NEB: variants seen among roughly 807,000 people sequenced by gnomAD.
NEB encodes nemaline myopathy type 2.
In NEB, 512 loss-of-function variants were observed where a neutral mutation model predicts 952.2. The observed-to-expected ratio is 0.54, with a 90% CI of 0.50 to 0.58. The LOEUF (loss-of-function observed/expected upper bound fraction) is 0.58, where lower values mean the gene tolerates loss of function less well. Ranked by LOEUF, NEB falls within the 20% of genes least tolerant of loss-of-function variation. The pLI, the probability that NEB is intolerant of heterozygous loss-of-function variation, is 0.00. For synonymous variants in NEB, 2,900 were observed against 3,149.8 expected (o/e 0.92, Z 2.66); for missense variants, 8,428 against 9,231.1 (o/e 0.91, Z 3.56).
intron 174 of NEB, 131 bp from the exon 175 acceptor site, chr2:151,493,998 T>G (rs1255302297): frequency 1.1e-5 from 10 of 871,684 alleles, no homozygotes; most frequent in Non-Finnish European, 1.4e-5. Context: ...GAAGAAAGCT[T>G]AAAAATAGTT....
chr2:151,719,491 T>C (rs1377202339), intron 9 of NEB, among the ~76,000 whole-genome samples: 2 of 152,212 alleles, frequency 1.3e-5, no homozygotes, highest in African/African-American at 4.8e-5. Flanking sequence ...CTAGTGCCTA[T>C]AACAAAAGCT....
chr2:151,675,745 A>AT (rs551433596), intron 34 of NEB, among the ~76,000 whole-genome samples: 1 of 151,560 alleles, frequency 6.6e-6, no homozygotes, highest in Non-Finnish European at 1.5e-5. Context: ...GTTAGTTTCT[A>AT]TTTTTTTATC....
rs370074798 is a variant in NEB at position 151,643,920 on chromosome 2, T to C, written c.7854A>G (p.Leu2618=). ...GVVLAKKCQT[L]VSDVDYKNYL... ...AGTTCTTGTAGTCCACGTCGCTGAC[T>C]AAGGTCTGGCACTTCTTGGCCAACA... Residue 2618 remains leucine, a synonymous_variant, in exon 57 of 182, where the codon TTA becomes TTG. Coordinates refer to ENST00000397345, the MANE Select transcript of NEB (RefSeq NM_001164508.2). 1.1e-5 allele frequency: 18 copies of C among 1,613,938 alleles called. No individual in the cohort carries two copies. The highest frequency in any genetic ancestry group is 1.5e-5 in the Non-Finnish European group (18 of 1,179,828).
At chr2:151,519,166 T>G in intron 154 of NEB, 97 bp from the exon 155 acceptor site, 1 of 806,560 alleles carries the variant, frequency 1.2e-6, no homozygotes, top group East Asian at 2.6e-5. Context: ...AAACAAATGC[T>G]GGAGATGGTG....
intron 9 of NEB, among the ~76,000 whole-genome samples, chr2:151,720,452 A>T (rs1429345986): frequency 6.6e-6 from 1 of 152,234 alleles, no homozygotes; most frequent in Non-Finnish European, 1.5e-5. Context: ...TTGGTCTGCA[A>T]TTAAAATAAA....
rs182722471 is a variant in NEB, at chr2:151,576,751, T to A, written c.16705-397A>T. ...AGTTTCACCATGCTAGCCAGGCTGG[T>A]CTCAAACCCCTGACCTCAGGTGATC... is the stretch of plus-strand genomic sequence containing the variant. On this transcript the variant is annotated intron_variant, in intron 105 of 181. Transcript: ENST00000397345. Among the ~76,000 whole-genome samples the A allele has an allele frequency of 1.7e-3, 264 of 151,666 alleles. 2 individuals carry two copies. In the South Asian group the frequency reaches 0.03, roughly 17 times the overall value.
At position 151,653,289 on chromosome 2, in the gene NEB, C is replaced by T. The variant is rs77728938; in HGVS notation, c.6915+703G>A. Among the ~76,000 whole-genome samples, 175 of 152,244 alleles carry T rather than the reference C, an allele frequency of 1.1e-3. 1 individual carries two copies. Among genetic ancestry groups the T allele is most frequent in the East Asian group, 3.9e-3 (20 of 5,184 alleles). ...AACAAAATGATATGCTAGCAATATGCAGAATATCTAAGTAAAATACTTGTA... is the reference window on the plus strand; with the variant it reads ...AACAAAATGATATGCTAGCAATATGTAGAATATCTAAGTAAAATACTTGTA... On this transcript the variant is annotated intron_variant, in intron 52 of 181. Coordinates refer to ENST00000397345, the MANE Select transcript of NEB (RefSeq NM_001164508.2).
At chr2:151,670,093 C>T (rs1274576520) in intron 38 of NEB, among the ~76,000 whole-genome samples, 1 of 152,068 alleles carries the variant, frequency 6.6e-6, no homozygotes, top group Non-Finnish European at 1.5e-5. Context: ...GTACAGTTTG[C>T]CTAGCTAACT....
At chr2:151,675,263 C>A (rs2099350664) in intron 35 of NEB, 24 bp downstream of exon 35, 1 of 1,477,770 alleles carries the variant, frequency 6.8e-7, no homozygotes. Context: ...CCGAATTTCA[C>A]ATCCCAGCAA....
chr2:151,512,620 T>G, intron 161 of NEB, 113 bp downstream of exon 161: 1 of 859,364 alleles, frequency 1.2e-6, no homozygotes, highest in Non-Finnish European at 1.9e-6. Context: ...GGTGAATCTC[T>G]TTTTTATTGG....
intron 121 of NEB, among the ~76,000 whole-genome samples, 162 bp downstream of exon 121, chr2:151,561,948 A>T (rs539862981): frequency 6.6e-6 from 1 of 152,268 alleles, no homozygotes; most frequent in Non-Finnish European, 1.5e-5. Flanking sequence ...ATCCAGCCCC[A>T]GAGCAGGACA....
intron 4 of NEB, among the ~76,000 whole-genome samples, chr2:151,728,560 C>T (rs1167479412): frequency 6.6e-6 from 1 of 152,134 alleles, no homozygotes; most frequent in African/African-American, 2.4e-5. Flanking sequence ...ATGATGACAA[C>T]ATAATGGGGT....
intron 76 of NEB, among the ~76,000 whole-genome samples, chr2:151,614,857 C>T (rs1375655540): frequency 6.6e-6 from 1 of 152,152 alleles, no homozygotes; most frequent in East Asian, 1.9e-4. Flanking sequence ...TACCACACTG[C>T]TCAGTTTACA....
chr2:151,501,989 A>T (rs2065018739), intron 167 of NEB, among the ~76,000 whole-genome samples: 1 of 152,208 alleles, frequency 6.6e-6, no homozygotes. Context: ...CAAGTAAATT[A>T]TATTTACTGT....
In NEB at chr2:151,516,555, G is replaced by T; in HGVS notation, c.22809C>A (p.Tyr7603Ter). 2 of 1,604,554 alleles carry T rather than the reference G, an allele frequency of 1.2e-6. No homozygotes were observed. The highest frequency in any genetic ancestry group is 1.7e-6 in the Non-Finnish European group (2 of 1,172,492). The change falls in exon 157 of 182, where the codon TAC becomes TAA. Residue 7603 changes from tyrosine to a stop codon, truncating the protein, a stop_gained. Transcript: ENST00000397345. LOFTEE classifies it high-confidence loss of function. ...CTCGTTCCTTTTCATACTTTTCTTT[G>T]TATTTCACCTGGTGATAGAAAGCCA... The part of the protein sequence containing the change: ...EATELQSIVK[Y>*]KEKYEKERGK...
rs1298093749 is a variant in NEB, at chr2:151,682,721, C to T, written c.2884G>A (p.Val962Met). 4 of 1,613,348 alleles carry T rather than the reference C, an allele frequency of 2.5e-6. No individual in the cohort carries two copies. The highest frequency in any genetic ancestry group is 1.6e-4 in the Middle Eastern group (1 of 6,082). The change falls in exon 29 of 182, where the codon GTG becomes ATG. Residue 962 changes from valine to methionine, a missense_variant. By Grantham distance (21) the Val-to-Met change is conservative. Transcript: ENST00000397345. ...YNSWMKGCGWVPFGSLEMEKA... is the reference protein window; with the variant it reads ...YNSWMKGCGWMPFGSLEMEKA... ...TCCATTTCTAAGGACCCAAAAGGCA[C>T]CCAGCCACAACCTTTCATCCAGCTA...
At chr2:151,657,117 G>A (rs895870811) in intron 48 of NEB, among the ~76,000 whole-genome samples, 1 of 152,124 alleles carries the variant, frequency 6.6e-6, no homozygotes. Flanking sequence ...CTCCTTTTGG[G>A]GTTGCGTGTG....
chr2:151,522,810 C>G (rs1175062854), intron 153 of NEB, among the ~76,000 whole-genome samples: 1 of 152,210 alleles, frequency 6.6e-6, no homozygotes, highest in African/African-American at 2.4e-5. Context: ...GCCGTGCCCT[C>G]TCCTTTGGCC....
intron 45 of NEB, 37 bp from the exon 46 acceptor site, chr2:151,662,378 T>A: frequency 4.1e-6 from 6 of 1,463,404 alleles, no homozygotes; most frequent in Non-Finnish European, 5.6e-6. Context: ...GAGAAGAAAC[T>A]GGAACTTCCC....
Sources: gnomAD v4.1 joint callset for allele counts (sites outside exome capture counted in the v4.1 genomes callset) on GRCh38, gnomAD v4.1.1 for gene constraint, MANE v1.5 for transcripts, NCBI Gene and HGNC (gene_info 2026-07-23, HGNC 2026-07-21) for gene names.